GCSAML: variants seen among roughly 807,000 people sequenced by gnomAD.
GCSAML encodes germinal center associated signaling and motility like, also known as germinal center-associated signaling and motility-like protein.
A neutral mutation model predicts 13.0 loss-of-function variants in GCSAML; 9 were observed. The observed-to-expected ratio is 0.69, with a 90% CI of 0.42 to 1.21. GCSAML has a LOEUF of 1.21. Among genes scored for constraint, GCSAML ranks in the 50% most tolerant of loss-of-function variants. GCSAML has a pLI of 0.00. For synonymous variants in GCSAML, 37 were observed against 52.9 expected (o/e 0.70, Z 1.31); for missense variants, 143 against 153.4 (o/e 0.93, Z 0.36).
chr1:247,517,628 C>A (rs983056857), intron 1 of GCSAML, among the ~76,000 whole-genome samples: 4 of 152,116 alleles, frequency 2.6e-5, no homozygotes, highest in African/African-American at 9.7e-5. Flanking sequence ...CCAGTTAACT[C>A]GCTTGACTAG....
intron 1 of GCSAML, among the ~76,000 whole-genome samples, chr1:247,520,343 G>A (rs1185130680): frequency 1.3e-5 from 2 of 152,202 alleles, no homozygotes; most frequent in Non-Finnish European, 2.9e-5. Context: ...ATCCAATTCA[G>A]TTGAAGGCCT....
rs566694588 is a variant in GCSAML, at chr1:247,531,194, C to T, written c.-148+4140C>T. 1.1e-4 allele frequency: 28 copies of T among 258,044 alleles called. No individual in the cohort carries two copies. The East Asian group carries it at 2.1e-3, about 20-fold the overall frequency. The allele number at this position is 258,044 out of a possible 1,614,324, so 16.0% of individuals were successfully genotyped here. A position where few individuals can be genotyped will look rare whatever the true frequency, so the allele number is the denominator to read the frequency against. Reference sequence around the variant, plus strand: ...GGGAACAGGCCGGCTCCGGTCTCCCCGCGCGCTCTCAGCGTCGTCAAAGTT... The same window carrying T: ...GGGAACAGGCCGGCTCCGGTCTCCCTGCGCGCTCTCAGCGTCGTCAAAGTT... On this transcript the variant is annotated intron_variant, in intron 2 of 5. Transcript: ENST00000366489.
intron 1 of GCSAML, among the ~76,000 whole-genome samples, chr1:247,554,805 T>G (rs1667897788): frequency 6.6e-6 from 1 of 152,150 alleles, no homozygotes; most frequent in Non-Finnish European, 1.5e-5. Flanking sequence ...TACTAAGACT[T>G]TCTTTGTAGA....
upstream of GCSAML, among the ~76,000 whole-genome samples, chr1:247,546,931 AT>A (rs1417893084): frequency 1.0e-4 from 12 of 115,010 alleles, no homozygotes; most frequent in African/African-American, 3.5e-4. Context: ...CTCTACTAAA[AT>A]TAAAAAAAAA....
At chr1:247,552,626 C>A (rs1056810606) in intron 1 of GCSAML, among the ~76,000 whole-genome samples, 4 of 152,184 alleles carry the variant, frequency 2.6e-5, no homozygotes, top group African/African-American at 9.7e-5. Flanking sequence ...ACTTTATCCT[C>A]CCATATAAAT....
intron 4 of GCSAML, among the ~76,000 whole-genome samples, chr1:247,573,568 A>G (rs1230329846): frequency 1.3e-5 from 2 of 152,116 alleles, no homozygotes; most frequent in Non-Finnish European, 2.9e-5. Flanking sequence ...TCAGTTGGAA[A>G]TGCAGAAATC....
chr1:247,531,095 C>G (rs1256770517), intron 2 of GCSAML: 2 of 162,008 alleles, frequency 1.2e-5, no homozygotes, highest in Non-Finnish European at 2.7e-5. Flanking sequence ...GGTTCCGGAG[C>G]CTGCAAGGCG....
At chr1:247,532,869 CT>C (rs1221723577) in intron 2 of GCSAML, among the ~76,000 whole-genome samples, 54 of 49,114 alleles carry the variant, frequency 1.1e-3, no homozygotes, top group African/African-American at 4.3e-3. Context: ...TAATAAAAGA[CT>C]GGGTGGGGGG....
chr1:247,575,084 A>G lies in GCSAML; in HGVS notation c.*702A>G, dbSNP rs546787665. ...AATCAGACAAACTTTGAATCTACCTATGACCTGTAAGCTCTCTCCTGCTTC... is the reference window on the plus strand; with the variant it reads ...AATCAGACAAACTTTGAATCTACCTGTGACCTGTAAGCTCTCTCCTGCTTC... On this transcript the variant is annotated 3_prime_UTR_variant, in exon 5 of 5. Transcript: ENST00000366488. The G allele has an allele frequency of 6.6e-5, 10 of 152,494 alleles. No homozygotes were observed. Among genetic ancestry groups the G allele is most frequent in the East Asian group, 1.9e-4 (1 of 5,192 alleles). 9.4% of individuals were successfully genotyped at this position (152,494 alleles called of 1,614,324 possible).
At chr1:247,509,175 A>G (rs755959589) in intron 1 of GCSAML, among the ~76,000 whole-genome samples, 23 of 151,962 alleles carry the variant, frequency 1.5e-4, no homozygotes, top group Non-Finnish European at 3.1e-4. Flanking sequence ...GTCCTTTCTG[A>G]TTTCTCTGAG....
chr1:247,564,019 C>G (rs148185272), intron 3 of GCSAML, among the ~76,000 whole-genome samples: 1 of 151,960 alleles, frequency 6.6e-6, no homozygotes, highest in Non-Finnish European at 1.5e-5. Flanking sequence ...TGTAACCCCC[C>G]GCCTTCCGGG....
intron 2 of GCSAML, among the ~76,000 whole-genome samples, chr1:247,539,546 G>A (rs1437474703): frequency 3.9e-5 from 6 of 151,982 alleles, no homozygotes; most frequent in Admixed American, 3.3e-4. Flanking sequence ...GCTTAGCTAC[G>A]TGACCTTTAG....
chr1:247,539,510 A>G (rs1667334478), intron 2 of GCSAML, among the ~76,000 whole-genome samples: 1 of 152,192 alleles, frequency 6.6e-6, no homozygotes, highest in Non-Finnish European at 1.5e-5. Context: ...AACTGGTGGC[A>G]GTTTTATTTT....
At chr1:247,524,027 CA>C in intron 1 of GCSAML, among the ~76,000 whole-genome samples, 1 of 151,654 alleles carries the variant, frequency 6.6e-6, no homozygotes, top group African/African-American at 2.4e-5. Context: ...CACACACACA[CA>C]CTCTGCAGAT....
At chr1:247,529,898 G>A (rs1030774657) in intron 2 of GCSAML, 6 of 152,118 alleles carry the variant, frequency 3.9e-5, no homozygotes, top group Non-Finnish European at 7.3e-5. Flanking sequence ...TTGAACTCAA[G>A]CTGCAACATC....
chr1:247,517,432 G>A (rs1336144564), intron 1 of GCSAML, among the ~76,000 whole-genome samples: 2 of 152,162 alleles, frequency 1.3e-5, no homozygotes, highest in Non-Finnish European at 2.9e-5. Context: ...GTAAAATGTG[G>A]AAATGTGAGA....
chr1:247,539,345 T>C (rs1424709265), intron 2 of GCSAML, among the ~76,000 whole-genome samples: 1 of 152,150 alleles, frequency 6.6e-6, no homozygotes, highest in African/African-American at 2.4e-5. Flanking sequence ...CACTGTGACA[T>C]CTAAAGGTCA....
chr1:247,515,386 A>G (rs1488128298), intron 1 of GCSAML, among the ~76,000 whole-genome samples: 1 of 152,252 alleles, frequency 6.6e-6, no homozygotes, highest in Non-Finnish European at 1.5e-5. Flanking sequence ...GAATATATTT[A>G]GAAATACAGT....
At chr1:247,539,739 T>C (rs1460078925) in intron 2 of GCSAML, among the ~76,000 whole-genome samples, 2 of 152,170 alleles carry the variant, frequency 1.3e-5, no homozygotes, top group Non-Finnish European at 2.9e-5. Flanking sequence ...TTGACTCTAT[T>C]TTTAAAGATA....
Sources: allele counts gnomAD v4.1 joint callset (sites outside exome capture counted in the v4.1 genomes callset), GRCh38; gene constraint gnomAD v4.1.1; transcripts MANE v1.5; gene names NCBI Gene and HGNC (gene_info 2026-07-23, HGNC 2026-07-21).